Variants in HARS1 observed in about 807,000 individuals in gnomAD.
HARS1 encodes histidyl-tRNA synthetase 1, also known as histidine--tRNA ligase, cytoplasmic.
HARS1 carries 45 observed loss-of-function variants against 63.6 expected under a neutral mutation model. The ratio of observed to expected loss-of-function variants is 0.71; its 90% CI spans 0.56 to 0.91. The LOEUF (loss-of-function observed/expected upper bound fraction) is 0.91, where lower values mean the gene tolerates loss of function less well. Ranked by LOEUF, HARS1 falls within the 40% of genes least tolerant of loss-of-function variation. The pLI, the probability that HARS1 is intolerant of heterozygous loss-of-function variation, is 0.00. For synonymous variants in HARS1, 205 were observed against 247.1 expected, an observed-to-expected ratio of 0.83 and a Z score of 1.60; for missense variants, 508 against 643.2, an observed-to-expected ratio of 0.79 and a Z score of 2.27.
intron 3 of HARS1, among the ~76,000 whole-genome samples, chr5:140,682,033 G>T (rs991092783): frequency 3.3e-5 from 5 of 152,296 alleles, no homozygotes; most frequent in Non-Finnish European, 5.9e-5. Flanking sequence ...CTTTAAAGAA[G>T]GTAGTTGGAG....
chr5:140,685,183 T>TAAAAAA (rs59702263), intron 2 of HARS1: 1 of 142,016 alleles, frequency 7.0e-6, no homozygotes. Flanking sequence ...TCAATGAACT[T>TAAAAAA]AAAAAAAAAA....
At chr5:140,674,357 T>A (rs370891415) in intron 12 of HARS1, 29 bp from the exon 13 acceptor site, 1 of 1,459,282 alleles carries the variant, frequency 6.9e-7, no homozygotes, top group Non-Finnish European at 9.6e-7. Flanking sequence ...GAAGGTGGTA[T>A]AAGCATCTTC....
At chr5:140,677,877 A>T (rs373991727) in intron 6 of HARS1, 31 bp downstream of exon 6, 45 of 1,498,410 alleles carry the variant, frequency 3.0e-5, no homozygotes, top group Non-Finnish European at 3.6e-5. Flanking sequence ...GCCAGGCCCA[A>T]CTTTGCCCTC....
rs546165438 is a variant in HARS1 at position 140,676,404 on chromosome 5, C to T, written c.1194+250G>A. The T allele has an allele frequency of 2.0e-6, 1 of 504,110 alleles. No homozygotes were observed. Among genetic ancestry groups the T allele is most frequent in the Admixed American group, 3.5e-5 (1 of 28,566 alleles). 31.2% of individuals were successfully genotyped at this position (504,110 alleles called of 1,614,324 possible). A position where few individuals can be genotyped will look rare whatever the true frequency, so the allele number is the denominator to read the frequency against. The stretch of plus-strand genomic sequence containing the variant: ...AGATCTAAGTCTTGGATACACCAGC[C>T]CAGGTTTGTGACAGCCCTGAAGGAA... On this transcript the variant is annotated intron_variant, in intron 10 of 12. Transcript: ENST00000504156. This position sits in a 1 kb window ranked among gnomAD's most constrained non-coding sequence, Gnocchi z 4.1.
In HARS1 at chr5:140,677,768, T is replaced by G. The variant is rs1299538661; in HGVS notation, c.631-15A>C. On this transcript the variant is annotated splice_polypyrimidine_tract_variant and intron_variant, in intron 6 of 12. Coordinates refer to ENST00000504156, the MANE Select transcript of HARS1 (RefSeq NM_002109.6). ...CGATCGTTTACCTGCAAGGAACCAA[T>G]GCATAGTGAGGGGGGAATCTCTTTT... 2 of 1,555,634 alleles carry G rather than the reference T, an allele frequency of 1.3e-6. No homozygotes were observed. The highest frequency in any genetic ancestry group is 4.5e-5 in the East Asian group (2 of 44,604).
chr5:140,686,462 C>T (rs1048787906), intron 2 of HARS1, among the ~76,000 whole-genome samples: 7 of 152,194 alleles, frequency 4.6e-5, no homozygotes, highest in Admixed American at 3.9e-4. Flanking sequence ...TGGTCTCAAA[C>T]TCCCGACCTC....
chr5:140,683,352 A>G, intron 2 of HARS1, 133 bp from the exon 3 acceptor site: 1 of 985,922 alleles, frequency 1.0e-6, no homozygotes, highest in Non-Finnish European at 1.5e-6. Context: ...CCTACAGGCC[A>G]CTGAGTTTTA....
In HARS1 at chr5:140,674,714, C is replaced by T. The variant is rs761435987; in HGVS notation, c.1423G>A (p.Val475Ile). ...CTCGTCACTGAACGGAGCTTGATGA[C>T]CCCATCCTTGAGTTCCTGCTCGCCG... ...IIGEQELKDG[V>I]IKLRSVTSRE... The change falls in exon 12 of 13, where the codon GTC becomes ATC. Residue 475 changes from valine (V) to isoleucine (I), a missense_variant. By Grantham distance (29) the Val-to-Ile change is conservative. This residue lies in a region of HARS1 where 403 missense variants were observed against 548.7 expected (regional missense o/e 0.73). Coordinates refer to ENST00000504156, the MANE Select transcript of HARS1 (RefSeq NM_002109.6). 1 of 1,614,236 alleles carries T rather than the reference C, an allele frequency of 6.2e-7. No individual in the cohort carries two copies. The highest frequency in any genetic ancestry group is 1.1e-5 in the South Asian group (1 of 91,088).
In HARS1 at chr5:140,691,212, C is replaced by A; in HGVS notation, c.90+3G>T. ...GCCCTCTCCCCTGCTGCCTAAATCT[C>A]ACCAGCTCGGCGCTGGCCTTCTGCT... On this transcript the variant is annotated splice_donor_region_variant and intron_variant, in intron 1 of 12. Transcript: ENST00000504156. 6.3e-7 allele frequency: 1 copy of A among 1,596,928 alleles called. No homozygotes were observed. The highest frequency in any genetic ancestry group is 8.5e-7 in the Non-Finnish European group (1 of 1,172,674).
At chr5:140,674,572 T>A in intron 12 of HARS1, 107 bp downstream of exon 12, 1 of 1,248,252 alleles carries the variant, frequency 8.0e-7, no homozygotes, top group Admixed American at 1.7e-5. Context: ...CTTTTATGAG[T>A]TGTACTAATA....
chr5:140,687,375 A>G (rs1323692573), intron 2 of HARS1: 4 of 151,936 alleles, frequency 2.6e-5, no homozygotes, highest in Non-Finnish European at 1.5e-5. Flanking sequence ...TGTTTTTTGT[A>G]TTTCTGTAAA....
At position 140,679,206 on chromosome 5, in the gene HARS1, TC is replaced by T; in HGVS notation, c.397-80del. 1 of 1,433,694 alleles carries T rather than the reference TC, an allele frequency of 7.0e-7. No individual in the cohort carries two copies. The highest frequency in any genetic ancestry group is 9.7e-7 in the Non-Finnish European group (1 of 1,027,488). 88.8% of individuals were successfully genotyped at this position (1,433,694 alleles called of 1,614,324 possible). On this transcript the variant is annotated intron_variant, in intron 4 of 12. Transcript: ENST00000504156. The surrounding 1 kb of genome is among the most constrained non-coding windows in gnomAD (Gnocchi z 4.3). The stretch of plus-strand genomic sequence containing the variant: ...TTATCATCACCAACAGAAGCTGGGG[TC>T]TAACCCCTCCCTATGTGGGTAAAAC...
At chr5:140,683,607 G>T in intron 2 of HARS1, 1 of 427,178 alleles carries the variant, frequency 2.3e-6, no homozygotes, top group Non-Finnish European at 3.2e-6. Flanking sequence ...CAAGGCAGAT[G>T]GATTGCCTGA....
chr5:140,677,481 G>A, intron 7 of HARS1, 61 bp from the exon 8 acceptor site: 3 of 1,341,830 alleles, frequency 2.2e-6, no homozygotes, highest in South Asian at 1.2e-5. Flanking sequence ...GAGCAAGTGT[G>A]TACTGTCCTC....
chr5:140,676,107 T>G lies in HARS1; in HGVS notation c.1194+547A>C, dbSNP rs928125994. The G allele has an allele frequency of 1.3e-5, 2 of 152,536 alleles. No individual in the cohort carries two copies. Among genetic ancestry groups the G allele is most frequent in the Non-Finnish European group, 2.9e-5 (2 of 68,338 alleles). The allele number at this position is 152,536 out of a possible 1,614,324, so 9.4% of individuals were successfully genotyped here. ...AGGGCCTCAGACACATGCTTCCCAT[T>G]TAGAGACAGTATTGCAGTGTGGTTA... On this transcript the variant is annotated intron_variant, in intron 10 of 12. Coordinates refer to ENST00000504156, the MANE Select transcript of HARS1 (RefSeq NM_002109.6). The surrounding 1 kb of genome is among the most constrained non-coding windows in gnomAD (Gnocchi z 4.1).
chr5:140,682,339 T>C (rs1324623225), intron 3 of HARS1, among the ~76,000 whole-genome samples: 3 of 151,392 alleles, frequency 2.0e-5, no homozygotes, highest in African/African-American at 7.3e-5. Flanking sequence ...AGAACAAAGG[T>C]GTGGAGGTAC....
At chr5:140,686,653 T>G (rs918712459) in intron 2 of HARS1, among the ~76,000 whole-genome samples, 9 of 150,566 alleles carry the variant, frequency 6.0e-5, no homozygotes, top group Non-Finnish European at 1.3e-4. Flanking sequence ...TAGGCTGGAG[T>G]GCAATGACGC....
At chr5:140,678,860 A>G (rs1407652528) in intron 5 of HARS1, 142 bp downstream of exon 5, 1 of 882,176 alleles carries the variant, frequency 1.1e-6, no homozygotes, top group Non-Finnish European at 1.7e-6. Context: ...ACAAAAAACA[A>G]ACAAAAAAAC....
At chr5:140,684,268 A>C (rs1030968148) in intron 2 of HARS1, 48 of 743,490 alleles carry the variant, frequency 6.5e-5, no homozygotes, top group Non-Finnish European at 7.9e-5. Context: ...CCAGCCTGGG[A>C]GACAGAGCAA....
Sources: allele counts gnomAD v4.1 joint callset (sites outside exome capture counted in the v4.1 genomes callset), GRCh38; gene constraint gnomAD v4.1.1; regional missense constraint gnomAD v4.1.1; non-coding constraint Gnocchi (gnomAD v3.1); transcripts MANE v1.5; gene names NCBI Gene and HGNC (gene_info 2026-07-23, HGNC 2026-07-21).